WIPF3: variants seen among roughly 807,000 people sequenced by gnomAD.
WIPF3 encodes WAS/WASL-interacting protein family member 3.
WIPF3 carries 33 observed loss-of-function variants against 38.9 expected under a neutral mutation model. The observed-to-expected ratio is 0.85, with a 90% CI of 0.64 to 1.14. WIPF3 has a LOEUF of 1.14. Ranked by LOEUF, WIPF3 falls within the 50% of genes most tolerant of loss-of-function variation. The pLI, the probability that WIPF3 is intolerant of heterozygous loss-of-function variation, is 0.00. For synonymous variants in WIPF3, 324 were observed against 269.3 expected, an observed-to-expected ratio of 1.20 and a Z score of -1.99; for missense variants, 711 against 652.5, an observed-to-expected ratio of 1.09 and a Z score of -0.98.
At chr7:29,820,601 TTA>T (rs897642444) in intron 1 of WIPF3, among the ~76,000 whole-genome samples, 5 of 152,124 alleles carry the variant, frequency 3.3e-5, no homozygotes, top group Non-Finnish European at 5.9e-5. Flanking sequence ...TTCTTTTAAT[TTA>T]GAGAGTATCC....
chr7:29,883,872 T>C lies in WIPF3; in HGVS notation c.378T>C (p.Pro126=). The C allele has an allele frequency of 6.4e-7, 1 of 1,564,452 alleles. No individual in the cohort carries two copies. Among genetic ancestry groups the C allele is most frequent in the African/African-American group, 1.3e-5 (1 of 74,110 alleles). Residue 126 remains proline, a synonymous_variant, in exon 5 of 9, where the codon CCT becomes CCC. Coordinates refer to ENST00000242140, the MANE Select transcript of WIPF3 (RefSeq NM_001080529.3). ...CAGGTGGCAAGACAGGGCAGGGCCCTGGCTCCCGCGCGCCCTCTCCCAGGC... is the reference window on the plus strand; with the variant it reads ...CAGGTGGCAAGACAGGGCAGGGCCCCGGCTCCCGCGCGCCCTCTCCCAGGC... ...DVAGGKTGQG[P]GSRAPSPRLP...
intron 2 of WIPF3, among the ~76,000 whole-genome samples, chr7:29,861,308 G>T (rs1785270607): frequency 6.6e-6 from 1 of 152,170 alleles, no homozygotes; most frequent in Admixed American, 6.6e-5. Flanking sequence ...TGCAAATCAT[G>T]ATATGGAAGC....
At chr7:29,894,923 T>TGTTG (rs940613178) in intron 7 of WIPF3, among the ~76,000 whole-genome samples, 1 of 150,964 alleles carries the variant, frequency 6.6e-6, no homozygotes, top group African/African-American at 2.4e-5. Context: ...GTTGTTGTTT[T>TGTTG]TTTTTGTTGT....
chr7:29,913,989 G>C (rs754033669), intron 8 of WIPF3, among the ~76,000 whole-genome samples: 4 of 152,158 alleles, frequency 2.6e-5, no homozygotes, highest in Admixed American at 6.5e-5. Context: ...GTATCTCACT[G>C]GATACCATCT....
At chr7:29,816,012 C>T (rs1000396245) in intron 1 of WIPF3, among the ~76,000 whole-genome samples, 12 of 152,112 alleles carry the variant, frequency 7.9e-5, no homozygotes, top group African/African-American at 2.9e-4. Context: ...TCGTCAAGAC[C>T]ATTTTAATCT....
intron 2 of WIPF3, among the ~76,000 whole-genome samples, chr7:29,870,264 A>G (rs1785471313): frequency 6.6e-6 from 1 of 152,188 alleles, no homozygotes; most frequent in African/African-American, 2.4e-5. Flanking sequence ...TCAGGATTCA[A>G]TTCAAATGGA....
chr7:29,839,301 C>A (rs1260362339), intron 2 of WIPF3, among the ~76,000 whole-genome samples: 1 of 152,182 alleles, frequency 6.6e-6, no homozygotes, highest in East Asian at 1.9e-4. Context: ...TAATTTGTAA[C>A]TTCCAATGTC....
Position 29,846,917 on chromosome 7 carries a change from T to A in WIPF3, c.90+12103T>A, listed in dbSNP as rs149507905. On this transcript the variant is annotated intron_variant, in intron 2 of 8. Transcript: ENST00000242140. ...GCTGTGCCATTTCCTAGCCATAGGA[T>A]GTCAAGCAAATTACTTAATAACTCT... 9.3e-3 allele frequency among the ~76,000 whole-genome samples: 1,417 copies of A among 152,322 alleles called. 7 individuals carry two copies. Among genetic ancestry groups the A allele is most frequent in the Middle Eastern group, 0.024 (7 of 294 alleles).
In WIPF3 at chr7:29,888,130, C is replaced by G; in HGVS notation, c.1162C>G (p.Leu388Val). The change falls in exon 6 of 9, where the codon CTT becomes GTT. Residue 388 changes from leucine (L) to valine (V), a missense_variant. Transcript: ENST00000242140. ...APPARSPTTE[L>V]SSKSQQATAW... The stretch of plus-strand genomic sequence containing the variant: ...CCCTGCGAGATCACCTACCACAGAG[C>G]TTTCAAGCAAGAGCCAGCAGGCCAC... The G allele has an allele frequency of 1.9e-6, 3 of 1,613,928 alleles. No individual in the cohort carries two copies. The South Asian group carries it at 3.3e-5, about 18-fold the overall frequency.
At chr7:29,826,554 T>C (rs1328865117) in intron 1 of WIPF3, among the ~76,000 whole-genome samples, 1 of 152,202 alleles carries the variant, frequency 6.6e-6, no homozygotes, top group Non-Finnish European at 1.5e-5. Context: ...TTTATTCTTA[T>C]TATTACTTTC....
chr7:29,826,251 T>G (rs1178909753), intron 1 of WIPF3, among the ~76,000 whole-genome samples: 1 of 152,154 alleles, frequency 6.6e-6, no homozygotes, highest in Non-Finnish European at 1.5e-5. Flanking sequence ...GTGGAGATGG[T>G]GCCTTTCTTA....
intron 7 of WIPF3, among the ~76,000 whole-genome samples, chr7:29,889,676 C>T (rs1371402828): frequency 6.6e-6 from 1 of 152,172 alleles, no homozygotes; most frequent in Non-Finnish European, 1.5e-5. Flanking sequence ...TCATCTCTCT[C>T]CTCCCTGGGG....
At chr7:29,873,491 G>A (rs1344006583) in intron 2 of WIPF3, among the ~76,000 whole-genome samples, 1 of 151,980 alleles carries the variant, frequency 6.6e-6, no homozygotes, top group South Asian at 2.1e-4. Context: ...CCTTATTTCT[G>A]TCATTCATTA....
At chr7:29,840,010 C>A (rs1485119940) in intron 2 of WIPF3, among the ~76,000 whole-genome samples, 1 of 152,158 alleles carries the variant, frequency 6.6e-6, no homozygotes, top group African/African-American at 2.4e-5. Context: ...TAAGTATATA[C>A]ATTATATTCT....
intron 4 of WIPF3, among the ~76,000 whole-genome samples, chr7:29,883,542 C>A (rs528370880): frequency 5.3e-5 from 8 of 152,136 alleles, no homozygotes; most frequent in African/African-American, 1.9e-4. Context: ...AAAAGACACC[C>A]GGGCAGTCCT....
At chr7:29,877,401 G>T (rs1290932550) in intron 3 of WIPF3, among the ~76,000 whole-genome samples, 2 of 152,190 alleles carry the variant, frequency 1.3e-5, no homozygotes, top group African/African-American at 4.8e-5. Flanking sequence ...ACACAGCATC[G>T]CAGGAGACTG....
intron 2 of WIPF3, 116 bp from the exon 3 acceptor site, chr7:29,875,714 C>T (rs748620709): frequency 3.6e-6 from 5 of 1,387,770 alleles, no homozygotes; most frequent in Non-Finnish European, 5.0e-6. Context: ...CTGAGATCAG[C>T]CTTGGGAGTG....
chr7:29,808,529 C>G (rs1221480420), intron 1 of WIPF3, among the ~76,000 whole-genome samples: 2 of 152,224 alleles, frequency 1.3e-5, no homozygotes. Flanking sequence ...AATTTGTGGC[C>G]ACCTGAATCG....
At chr7:29,843,254 A>G (rs1170683756) in intron 2 of WIPF3, among the ~76,000 whole-genome samples, 1 of 152,176 alleles carries the variant, frequency 6.6e-6, no homozygotes, top group Non-Finnish European at 1.5e-5. Flanking sequence ...CCAAAGGGCC[A>G]TTCAGGGTGG....
Sources: gnomAD v4.1 joint callset for allele counts (sites outside exome capture counted in the v4.1 genomes callset) on GRCh38, gnomAD v4.1.1 for gene constraint, MANE v1.5 for transcripts, NCBI Gene and HGNC (gene_info 2026-07-23, HGNC 2026-07-21) for gene names.